The following MUC4 variants were observed in gnomAD, a reference collection of about 807,000 sequenced individuals.
MUC4 encodes mucin-4.
Under a neutral mutation model 257.9 loss-of-function variants are expected in MUC4, and 202 were observed. The ratio of observed to expected loss-of-function variants is 0.78; its 90% CI spans 0.70 to 0.88. MUC4 has a LOEUF of 0.88. Among genes scored for constraint, MUC4 ranks in the 40% least tolerant of loss-of-function variants. The pLI, the probability that MUC4 is intolerant of heterozygous loss-of-function variation, is 0.00. For synonymous variants in MUC4, 2,351 were observed against 2,757.1 expected (o/e 0.85, Z 4.62); for missense variants, 5,976 against 6,513.7 (o/e 0.92, Z 2.84).
In MUC4 at chr3:195,747,279, C is replaced by T. The variant is rs1337535264; in HGVS notation, c.16136G>A (p.Gly5379Asp). 1 of 1,614,234 alleles carries T rather than the reference C, an allele frequency of 6.2e-7. No homozygotes were observed. The highest frequency in any genetic ancestry group is 8.5e-7 in the Non-Finnish European group (1 of 1,180,016). ...CGTCCCGACCCCCAGCAGCAAGAGGCCGCCCAGGGCCCCAAAGAAGATGCC... is the reference window on the plus strand; with the variant it reads ...CGTCCCGACCCCCAGCAGCAAGAGGTCGCCCAGGGCCCCAAAGAAGATGCC... ...FFGIFFGALG[G>D]LLLLGVGTFV... is the part of the protein sequence containing the mutation. Residue 5379 changes from glycine (G) to aspartate (D), a missense_variant, in exon 25 of 25, where the codon GGC becomes GAC. Gly to Asp is a moderately conservative substitution (Grantham distance 94, BLOSUM62 -1). This residue lies in a region of MUC4 where 310 missense variants were observed against 242.1 expected (regional missense o/e 1.28). Transcript: ENST00000463781.
rs1056406113 is a variant in MUC4 at position 195,769,124 on chromosome 3, G to A, written c.13427C>T (p.Thr4476Met). 6.2e-6 allele frequency: 10 copies of A among 1,614,044 alleles called. No homozygotes were observed. Among genetic ancestry groups the A allele is most frequent in the Middle Eastern group, 1.6e-4 (1 of 6,084 alleles). ...CAGGGCATAGGACCTGCTCCCGTCC[G>A]TGGAGAGGATGGCTTGGTAGGTGTT... ...GSNTYQAILSTDGSRSYALFL... is the reference protein window; with the variant it reads ...GSNTYQAILSMDGSRSYALFL... The change falls in exon 7 of 25, where the codon ACG becomes ATG. Residue 4476 changes from threonine (T) to methionine (M), a missense_variant. Thr to Met is a moderately conservative substitution (Grantham distance 81, BLOSUM62 -1). This residue lies in a region of MUC4 where 996 missense variants were observed against 1,137.3 expected (regional missense o/e 0.88). Transcript: ENST00000463781.
rs1270979627 is a variant in MUC4 at position 195,771,692 on chromosome 3, T to A, written c.13202A>T (p.Asp4401Val). ...CCCCCGACCAGTGGAGAAGTCAGCA[T>A]CGTCCCAGAACGGAGCCACCAGGGC... ...PVALVAPFWD[D>V]ADFSTGRGTT... The change falls in exon 5 of 25, where the codon GAT becomes GTT. Residue 4401 changes from aspartate to valine, a missense_variant. Coordinates refer to ENST00000463781, the MANE Select transcript of MUC4 (RefSeq NM_018406.7). 1 of 1,613,932 alleles carries A rather than the reference T, an allele frequency of 6.2e-7. No individual in the cohort carries two copies. Among genetic ancestry groups the A allele is most frequent in the Non-Finnish European group, 8.5e-7 (1 of 1,179,854 alleles).
chr3:195,757,148 T>G lies in MUC4; in HGVS notation c.15167A>C (p.Glu5056Ala). 6.3e-7 allele frequency: 1 copy of G among 1,592,286 alleles called. No individual in the cohort carries two copies. Among genetic ancestry groups the G allele is most frequent in the East Asian group, 2.3e-5 (1 of 44,202 alleles). The part of the protein sequence containing the change: ...QTSRVGNSSL[E>A]VAGCKCDGGT... ...CCTCCCCCACCTCCCAACACTCACC[T>G]CCAGGGAGGAGTTGCCCACCCTGCT... The change falls in exon 18 of 25, where the codon GAG (glutamate) becomes GCG (alanine). Residue 5056 changes from glutamate to alanine, a missense_variant and splice_region_variant. Transcript: ENST00000463781. This position sits in a 1 kb window ranked among gnomAD's most constrained non-coding sequence, Gnocchi z 4.8.
rs1469150294 is a variant in MUC4, at chr3:195,770,333, G to C, written c.13281C>G (p.Val4427=). ...TTCTAATCCAAGACTCGGCCTGCTG[G>C]ACTAGCAGGCTGTGTTCACCATAGA... is the stretch of plus-strand genomic sequence containing the variant. ...ETFYGEHSLL[V]QQAESWIRKM... Residue 4427 remains valine (V), a synonymous_variant, in exon 6 of 25, where the codon GTC becomes GTG. Coordinates refer to ENST00000463781, the MANE Select transcript of MUC4 (RefSeq NM_018406.7). 3.1e-6 allele frequency: 5 copies of C among 1,613,906 alleles called. No individual in the cohort carries two copies. Among genetic ancestry groups the C allele is most frequent in the Non-Finnish European group, 4.2e-6 (5 of 1,180,000 alleles).
chr3:195,788,647 G>C lies in MUC4; in HGVS notation c.2933C>G (p.Pro978Arg). The change falls in exon 2 of 25, where the codon CCT (proline) becomes CGT (arginine). Residue 978 changes from proline (P) to arginine (R), a missense_variant. Physicochemically the swap from Pro to Arg is moderately radical, Grantham distance 103 (BLOSUM62 -2). Transcript: ENST00000463781. ...TALISNATPL[P>R]VTYASSASTG... ...GGATGCCGAGGAAGCGTAGGTGACA[G>C]GAAGAGGGGTGGCGTTGCTGATGAG... 6.2e-7 allele frequency: 1 copy of C among 1,603,986 alleles called. No homozygotes were observed. Among genetic ancestry groups the C allele is most frequent in the Non-Finnish European group, 8.5e-7 (1 of 1,174,230 alleles).
intron 1 of MUC4, among the ~76,000 whole-genome samples, chr3:195,806,634 T>C (rs1410941726): frequency 1.3e-5 from 2 of 152,198 alleles, no homozygotes; most frequent in East Asian, 3.8e-4. Flanking sequence ...TGAATGGCTG[T>C]CTCAGCAGGG....
At chr3:195,767,639 C>CCACCAT (rs1721310296) in intron 7 of MUC4, among the ~76,000 whole-genome samples, 1 of 117,920 alleles carries the variant, frequency 8.5e-6, no homozygotes, top group Non-Finnish European at 1.6e-5. Context: ...ATCACCACCA[C>CCACCAT]CATCGCCACC....
At position 195,765,366 on chromosome 3, in the gene MUC4, G is replaced by A. The variant is rs1449136477; in HGVS notation, c.13702C>T (p.Gln4568Ter). ...RLECLQWLKSQPRWPSWGWNQ... is the reference protein window; with the variant it reads ...RLECLQWLKS ...CAGCCCCAGCTGGGCCACCGAGGCT[G>A]GCTCTTCAGCCACTGCAGGCACTCG... Residue 4568 changes from glutamine (Q) to a stop codon, truncating the protein, a stop_gained, in exon 9 of 25, where the codon CAG (glutamine) becomes TAG (stop). Coordinates refer to ENST00000463781, the MANE Select transcript of MUC4 (RefSeq NM_018406.7). LOFTEE classifies it high-confidence loss of function. 1.2e-6 allele frequency: 2 copies of A among 1,613,650 alleles called. No individual in the cohort carries two copies. Among genetic ancestry groups the A allele is most frequent in the Non-Finnish European group, 1.7e-6 (2 of 1,180,026 alleles).
chr3:195,762,706 TCGGCGCGGCACCGCCACGCGCC>T, intron 13 of MUC4, 127 bp downstream of exon 13: 1 of 47,910 alleles, frequency 2.1e-5, no homozygotes, highest in Middle Eastern at 3.5e-3. Flanking sequence ...CGCAAAGCAC[TCGGCGCGGCACCGCCACGCGCC>T]CGGCCCTGCA....
chr3:195,781,285 G>C lies in MUC4; in HGVS notation c.10295C>G (p.Ser3432Ter), dbSNP rs769036599. The C allele has an allele frequency of 7.1e-7, 1 of 1,415,572 alleles. No homozygotes were observed. The highest frequency in any genetic ancestry group is 1.3e-5 in the South Asian group (1 of 74,482). 87.7% of individuals were successfully genotyped at this position (1,415,572 alleles called of 1,614,324 possible). A position where few individuals can be genotyped will look rare whatever the true frequency, so the allele number is the denominator to read the frequency against. The change falls in exon 2 of 25, where the codon TCA (serine) becomes TGA (stop). Residue 3432 changes from serine (S) to a stop codon, truncating the protein, a stop_gained. Coordinates refer to ENST00000463781, the MANE Select transcript of MUC4 (RefSeq NM_018406.7). LOFTEE classifies it high-confidence loss of function. ...AGGGGTGGCGTGACCGGTGGATGCT[G>C]AGGAAGTGCTGGTGACAGGAAGAGG... ...ATPLPVTSTS[S>*]ASTGHATPVP...
In MUC4 at chr3:195,783,863, G is replaced by A. The variant is rs770804444; in HGVS notation, c.7717C>T (p.His2573Tyr). 4 of 1,502,314 alleles carry A rather than the reference G, an allele frequency of 2.7e-6. No homozygotes were observed. The highest frequency in any genetic ancestry group is 4.1e-5 in the Admixed American group (2 of 48,680). The allele number at this position is 1,502,314 out of a possible 1,614,324, so 93.1% of individuals were successfully genotyped here. ...CTGGTGACAGGAAGAGGGGTGGCGT[G>A]ACCTGTGGATGCTGCGGAAGTGTCG... is the stretch of plus-strand genomic sequence containing the variant. ...VTDTSAASTG[H>Y]ATPLPVTSTS... is the part of the protein sequence containing the mutation. The change falls in exon 2 of 25, where the codon CAC becomes TAC. Residue 2573 changes from histidine (H) to tyrosine (Y), a missense_variant. His to Tyr is a moderately conservative substitution (Grantham distance 83, BLOSUM62 2). This residue lies in a region of MUC4 where 135 missense variants were observed against 114.7 expected (regional missense o/e 1.18). Coordinates refer to ENST00000463781, the MANE Select transcript of MUC4 (RefSeq NM_018406.7).
chr3:195,767,847 T>TCACCACCATCAC (rs1721750041), intron 7 of MUC4, among the ~76,000 whole-genome samples: 1 of 45,928 alleles, frequency 2.2e-5, no homozygotes, highest in African/African-American at 9.6e-5. Flanking sequence ...ACCACCACCA[T>TCACCACCATCAC]CGCCACCATC....
chr3:195,770,553 G>A, intron 5 of MUC4, 182 bp from the exon 6 acceptor site: 1 of 661,870 alleles, frequency 1.5e-6, no homozygotes, highest in Non-Finnish European at 2.6e-6. Flanking sequence ...AACTTGGGCT[G>A]CAGGAAGGCC....
At chr3:195,759,518 A>C (rs1201257691) in intron 16 of MUC4, among the ~76,000 whole-genome samples, 1 of 152,116 alleles carries the variant, frequency 6.6e-6, no homozygotes, top group Non-Finnish European at 1.5e-5. Flanking sequence ...TCTTTCCTGA[A>C]CACAGTGCTA....
Position 195,779,247 on chromosome 3 carries a change from C to T in MUC4, c.12333G>A (p.Thr4111=), listed in dbSNP as rs199960521. ...SLSSVSTGDT[T]PLPVTDTSSA... Reference sequence around the variant, plus strand: ...AGGAAGTGTCGGTGACAGGAAGAGGCGTGGTGTCACCTGTGGATACTGAGG... The same window carrying T: ...AGGAAGTGTCGGTGACAGGAAGAGGTGTGGTGTCACCTGTGGATACTGAGG... Residue 4111 remains threonine, a synonymous_variant, in exon 2 of 25, where the codon ACG becomes ACA. Transcript: ENST00000463781. The T allele has an allele frequency of 1.0e-5, 10 of 956,044 alleles. 4 individuals carry two copies. The highest frequency in any genetic ancestry group is 4.1e-5 in the South Asian group (2 of 48,444). The allele number at this position is 956,044 out of a possible 1,614,324, so 59.2% of individuals were successfully genotyped here.
At chr3:195,754,110 TCTG>T (rs1717033997) in intron 19 of MUC4, 100 bp downstream of exon 19, 1 of 1,413,148 alleles carries the variant, frequency 7.1e-7, no homozygotes, top group Admixed American at 2.3e-5. Context: ...ATTCTAAAGA[TCTG>T]CTGGAAAAAG....
chr3:195,778,728 T>A, intron 2 of MUC4, 62 bp downstream of exon 2: 1 of 1,498,940 alleles, frequency 6.7e-7, no homozygotes, highest in Non-Finnish European at 9.0e-7. Context: ...CAGGTACTCC[T>A]TAGGCTGAAT....
At chr3:195,776,743 A>G (rs201862595) in intron 3 of MUC4, among the ~76,000 whole-genome samples, 7 of 70,862 alleles carry the variant, frequency 9.9e-5, no homozygotes, top group Admixed American at 3.7e-4. Context: ...TACCTTCCAC[A>G]CCCATACCTT....
intron 4 of MUC4, among the ~76,000 whole-genome samples, chr3:195,773,762 C>T (rs1409637668): frequency 6.6e-6 from 1 of 152,138 alleles, no homozygotes; most frequent in Non-Finnish European, 1.5e-5. Context: ...GGTGTGGACA[C>T]CCTCTCCATC....
Sources: gnomAD v4.1 joint callset for allele counts (sites outside exome capture counted in the v4.1 genomes callset) on GRCh38, gnomAD v4.1.1 for gene constraint, gnomAD v4.1.1 regional missense constraint, Gnocchi (gnomAD v3.1) non-coding constraint, MANE v1.5 for transcripts, NCBI Gene and HGNC (gene_info 2026-07-23, HGNC 2026-07-21) for gene names.